The following GFRA1 variants were observed in gnomAD, a reference collection of about 807,000 sequenced individuals.
GFRA1 encodes the protein GDNF family receptor alpha-1.
A neutral mutation model predicts 51.6 loss-of-function variants in GFRA1; 16 were observed. That is an observed-to-expected ratio of 0.31 (90% confidence interval 0.21 to 0.47). GFRA1 has a LOEUF of 0.47. Among genes scored for constraint, GFRA1 ranks in the 20% least tolerant of loss-of-function variants. GFRA1 has a pLI of 1.00. For synonymous variants in GFRA1, 270 were observed against 241.3 expected, an observed-to-expected ratio of 1.12 and a Z score of -1.10; for missense variants, 530 against 594.3, an observed-to-expected ratio of 0.89 and a Z score of 1.13.
rs566835138 is a variant in GFRA1, at chr10:116,173,906, C to A, written c.433+37725G>T. Among the ~76,000 whole-genome samples, 344 of 152,200 alleles carry A rather than the reference C, an allele frequency of 2.3e-3. 2 individuals carry two copies. Among genetic ancestry groups the A allele is most frequent in the Non-Finnish European group, 3.2e-3 (221 of 68,022 alleles). ...GACCAGCCTGACCAACATAGAGAAA[C>A]CCTGTCTCTACTAAAAATACAAAAC... On this transcript the variant is annotated intron_variant, in intron 5 of 10. Coordinates refer to ENST00000355422, the MANE Select transcript of GFRA1 (RefSeq NM_005264.8).
chr10:116,157,153 T>C (rs950872605), intron 5 of GFRA1, among the ~76,000 whole-genome samples: 2 of 152,208 alleles, frequency 1.3e-5, no homozygotes, highest in Non-Finnish European at 2.9e-5. Flanking sequence ...TCCTCTGGCA[T>C]TAGCTCTCTG....
intron 5 of GFRA1, among the ~76,000 whole-genome samples, chr10:116,164,112 G>A (rs980888790): frequency 7.2e-5 from 11 of 151,988 alleles, no homozygotes; most frequent in African/African-American, 9.7e-5. Context: ...CTCCAATGTC[G>A]CACAGGCCCT....
rs773938466 is a variant in GFRA1, at chr10:116,089,836, T to C, written c.1102A>G (p.Thr368Ala). 1 of 1,613,926 alleles carries C rather than the reference T, an allele frequency of 6.2e-7. No homozygotes were observed. The highest frequency in any genetic ancestry group is 8.5e-7 in the Non-Finnish European group (1 of 1,179,880). Residue 368 changes from threonine to alanine, a missense_variant, in exon 9 of 11, where the codon ACC becomes GCC. Transcript: ENST00000355422. ...FPVQTTTATT[T>A]TALRVKNKPL... ...TTGTTCTTAACCCGGAGGGCAGTGG[T>C]GGTAGTGGCAGTGGTGGTCTGTACT...
intron 5 of GFRA1, among the ~76,000 whole-genome samples, chr10:116,162,640 C>T (rs1263231662): frequency 1.3e-5 from 2 of 152,164 alleles, no homozygotes; most frequent in East Asian, 1.9e-4. Flanking sequence ...GCGAAAAATC[C>T]GTGTTGAAAA....
At chr10:116,129,558 C>A (rs1046563618) in intron 5 of GFRA1, among the ~76,000 whole-genome samples, 1 of 152,002 alleles carries the variant, frequency 6.6e-6, no homozygotes, top group Admixed American at 6.5e-5. Context: ...AAACCTATAA[C>A]TAAAGTCATA....
intron 5 of GFRA1, among the ~76,000 whole-genome samples, chr10:116,173,563 T>C (rs1007168635): frequency 6.6e-6 from 1 of 152,212 alleles, no homozygotes; most frequent in Non-Finnish European, 1.5e-5. Context: ...GCTTTCACCG[T>C]ATGCCTTTCC....
chr10:116,180,218 A>G (rs1185541453), intron 5 of GFRA1, among the ~76,000 whole-genome samples: 1 of 152,230 alleles, frequency 6.6e-6, no homozygotes, highest in African/African-American at 2.4e-5. Flanking sequence ...AGGAAAATTC[A>G]TACATAGCTC....
intron 9 of GFRA1, among the ~76,000 whole-genome samples, chr10:116,070,768 T>C (rs1176668987): frequency 6.6e-6 from 1 of 150,638 alleles, no homozygotes; most frequent in African/African-American, 2.5e-5. Flanking sequence ...CCTTTTTTTT[T>C]TTTTTTTTTT....
chr10:116,249,834 A>T (rs530620762), intron 4 of GFRA1, among the ~76,000 whole-genome samples: 1 of 152,292 alleles, frequency 6.6e-6, no homozygotes, highest in African/African-American at 2.4e-5. Flanking sequence ...ACAACCTAAC[A>T]TTACAGAAAC....
In GFRA1 at chr10:116,060,403, C is replaced by T. The variant is rs2133737124; in HGVS notation, c.*3995G>A. 1 of 152,322 alleles carries T rather than the reference C, an allele frequency of 6.6e-6. No individual in the cohort carries two copies. Among genetic ancestry groups the T allele is most frequent in the Non-Finnish European group, 1.5e-5 (1 of 68,038 alleles). 9.4% of individuals were successfully genotyped at this position (152,322 alleles called of 1,614,324 possible). A position where few individuals can be genotyped will look rare whatever the true frequency, so the allele number is the denominator to read the frequency against. On this transcript the variant is annotated 3_prime_UTR_variant, in exon 11 of 11. Transcript: ENST00000355422. ...GCTTCCTGTCTCTAAAGAACTTCTG[C>T]CTGATTCAAGGAACTCTGGCTGTTT...
At chr10:116,250,667 A>G (rs1968263147) in intron 4 of GFRA1, among the ~76,000 whole-genome samples, 1 of 152,166 alleles carries the variant, frequency 6.6e-6, no homozygotes, top group Admixed American at 6.5e-5. Context: ...TCAGAATTCT[A>G]GGATAGTGAA....
chr10:116,064,099 T>C lies in GFRA1; in HGVS notation c.*299A>G. On this transcript the variant is annotated 3_prime_UTR_variant, in exon 11 of 11. Coordinates refer to ENST00000355422, the MANE Select transcript of GFRA1 (RefSeq NM_005264.8). ...ATGATGATCATCATCATGATCATCA[T>C]CATCATCGAAAACACAGCCCCAGTT... is the stretch of plus-strand genomic sequence containing the variant. 3.4e-6 allele frequency: 1 copy of C among 293,662 alleles called. No homozygotes were observed. The highest frequency in any genetic ancestry group is 6.4e-6 in the Non-Finnish European group (1 of 157,242). 18.2% of individuals were successfully genotyped at this position (293,662 alleles called of 1,614,324 possible).
chr10:116,166,547 CCAA>C (rs1463573211), intron 5 of GFRA1, among the ~76,000 whole-genome samples: 4 of 152,050 alleles, frequency 2.6e-5, no homozygotes, highest in African/African-American at 7.2e-5. Context: ...TCTCCTTTTC[CCAA>C]CAACACCTTC....
At chr10:116,083,552 A>G (rs1955950528) in intron 9 of GFRA1, among the ~76,000 whole-genome samples, 1 of 152,242 alleles carries the variant, frequency 6.6e-6, no homozygotes, top group South Asian at 2.1e-4. Context: ...TAATGGGGTC[A>G]GTCTGCTGGC....
At chr10:116,087,726 A>G (rs761030975) in intron 9 of GFRA1, among the ~76,000 whole-genome samples, 1 of 152,148 alleles carries the variant, frequency 6.6e-6, no homozygotes, top group Non-Finnish European at 1.5e-5. Flanking sequence ...AATGGGCCCA[A>G]GAAGCTTGGA....
chr10:116,269,653 G>C (rs947526776), intron 3 of GFRA1, 67 bp from the exon 4 acceptor site: 1 of 904,792 alleles, frequency 1.1e-6, no homozygotes, highest in African/African-American at 1.6e-5. Flanking sequence ...TTTTGCTGCT[G>C]AATCTGAATT....
At chr10:116,246,811 T>A (rs1432479215) in intron 4 of GFRA1, among the ~76,000 whole-genome samples, 1 of 152,164 alleles carries the variant, frequency 6.6e-6, no homozygotes, top group Non-Finnish European at 1.5e-5. Flanking sequence ...TATATCTCAA[T>A]AAAGCTGTTA....
chr10:116,123,653 A>T (rs1305890597), intron 6 of GFRA1, among the ~76,000 whole-genome samples: 1 of 152,120 alleles, frequency 6.6e-6, no homozygotes, highest in Non-Finnish European at 1.5e-5. Flanking sequence ...ATGGTCATAA[A>T]CCCATCTGCT....
At chr10:116,225,534 CAAAAAAAAAAAAAA>C (rs756377767) in intron 4 of GFRA1, among the ~76,000 whole-genome samples, 14 of 63,966 alleles carry the variant, frequency 2.2e-4, no homozygotes, top group African/African-American at 9.5e-4. Flanking sequence ...AGTCTGTCTC[CAAAAAAAAAAAAAA>C]AAAAAAAAAA....
Sources: allele counts gnomAD v4.1 joint callset (sites outside exome capture counted in the v4.1 genomes callset), GRCh38; gene constraint gnomAD v4.1.1; transcripts MANE v1.5; gene names NCBI Gene and HGNC (gene_info 2026-07-23, HGNC 2026-07-21).